PLA2G7: variants seen among roughly 807,000 people sequenced by gnomAD.
The protein encoded by PLA2G7 is platelet-activating factor acetylhydrolase.
Under a neutral mutation model 49.6 loss-of-function variants are expected in PLA2G7, and 63 were observed. The observed-to-expected ratio is 1.27, with a 90% CI of 1.04 to 1.57. The LOEUF (loss-of-function observed/expected upper bound fraction) is 1.57. PLA2G7 is among the 40% of genes most tolerant of loss of function. The pLI is 0.00. For synonymous variants in PLA2G7, 193 were observed against 169.9 expected, an observed-to-expected ratio of 1.14 and a Z score of -1.06; for missense variants, 596 against 521.2, an observed-to-expected ratio of 1.14 and a Z score of -1.40.
intron 1 of PLA2G7, among the ~76,000 whole-genome samples, chr6:46,732,283 T>G (rs1260893795): frequency 6.6e-6 from 1 of 152,022 alleles, no homozygotes; most frequent in African/African-American, 2.4e-5. Context: ...TCCTGAGGTT[T>G]CATCTCCAGG....
chr6:46,715,014 C>T (rs527635776), intron 4 of PLA2G7, among the ~76,000 whole-genome samples: 39 of 152,168 alleles, frequency 2.6e-4, no homozygotes, highest in Middle Eastern at 3.4e-3. Context: ...GGATTACAGG[C>T]GTGAGCCACC....
In PLA2G7 at chr6:46,734,401, GGT is replaced by G. The variant is rs371692865; in HGVS notation, c.-35+777_-35+778del. ...GGAGGCAGAGTGAGAGGTGTGTAGT[GGT>G]GTGTGTGTGTGTGAGAGAGAGAGAG... On this transcript the variant is annotated intron_variant, in intron 1 of 11. Transcript: ENST00000274793. Among the ~76,000 whole-genome samples the G allele has an allele frequency of 4.0e-3, 299 of 75,390 alleles. 9 individuals carry two copies. Among genetic ancestry groups the G allele is most frequent in the Middle Eastern group, 6.7e-3 (1 of 150 alleles). 49.5% of individuals were successfully genotyped at this position (75,390 alleles called of 152,430 possible). A position where few individuals can be genotyped will look rare whatever the true frequency, so the allele number is the denominator to read the frequency against.
intron 1 of PLA2G7, 147 bp from the exon 2 acceptor site, chr6:46,723,072 A>G: frequency 1.6e-6 from 1 of 608,962 alleles, no homozygotes; most frequent in Non-Finnish European, 3.0e-6. Flanking sequence ...TTGGTACTAC[A>G]ATGGTAAAAT....
intron 10 of PLA2G7, among the ~76,000 whole-genome samples, chr6:46,706,249 CCATCATTCTTTTAGT>C (rs1211817196): frequency 6.6e-6 from 1 of 152,136 alleles, no homozygotes; most frequent in East Asian, 1.9e-4. Flanking sequence ...TATAAGCAAC[CCATCATTCTTTTAGT>C]CATCTAAGCT....
intron 5 of PLA2G7, among the ~76,000 whole-genome samples, 199 bp from the exon 6 acceptor site, chr6:46,712,536 C>A (rs1765062572): frequency 6.6e-6 from 1 of 152,104 alleles, no homozygotes; most frequent in Admixed American, 6.6e-5. Context: ...TTTTCATTAT[C>A]ATGAATGTGG....
At chr6:46,714,719 A>G (rs1765142677) in intron 4 of PLA2G7, among the ~76,000 whole-genome samples, 166 bp from the exon 5 acceptor site, 1 of 147,226 alleles carries the variant, frequency 6.8e-6, no homozygotes, top group Non-Finnish European at 1.5e-5. Context: ...CCCACCAACC[A>G]AAGAGCTGAA....
intron 1 of PLA2G7, among the ~76,000 whole-genome samples, chr6:46,723,491 C>G (rs185064916): frequency 6.6e-6 from 1 of 151,950 alleles, no homozygotes; most frequent in Non-Finnish European, 1.5e-5. Context: ...TAATAGAGGG[C>G]CTGGAAGAAG....
At chr6:46,710,493 A>T in intron 8 of PLA2G7, 52 bp downstream of exon 8, 1 of 1,211,900 alleles carries the variant, frequency 8.3e-7, no homozygotes, top group Non-Finnish European at 1.2e-6. Flanking sequence ...TTAAATGACA[A>T]AAAACAATAA....
Position 46,711,502 on chromosome 6 carries a change from A to T in PLA2G7, c.657T>A (p.Asn219Lys), listed in dbSNP as rs747666345. ...LKQEEETHIRNEQVRQRAKEC... is the reference protein window; with the variant it reads ...LKQEEETHIRKEQVRQRAKEC... Reference sequence around the variant, plus strand: ...TCCTTTCACTGCAATGTACCTGCTCATTTCGTATATGTGTCTCCTCCTCTT... The same window carrying T: ...TCCTTTCACTGCAATGTACCTGCTCTTTTCGTATATGTGTCTCCTCCTCTT... Residue 219 changes from asparagine to lysine, a missense_variant, in exon 7 of 12, where the codon AAT (asparagine) becomes AAA (lysine). By Grantham distance (94) the Asn-to-Lys change is moderately conservative. Transcript: ENST00000274793. 1 of 1,613,674 alleles carries T rather than the reference A, an allele frequency of 6.2e-7. No homozygotes were observed. Among genetic ancestry groups the T allele is most frequent in the African/African-American group, 1.3e-5 (1 of 75,016 alleles).
chr6:46,704,560 C>T lies in PLA2G7; in HGVS notation c.1326G>A (p.Ter442=). The change falls in exon 12 of 12, where the codon TAG becomes TAA. Residue 442 remains the stop codon, a stop_retained_variant. Transcript: ENST00000274793. ...QNSSGIEKYN[*] is the part of the protein sequence containing the mutation. ...GACTTTTAAAAAACCTATTTTAATC[C>T]TAATTGTATTTCTCTATTCCTGAAG... 1.3e-6 allele frequency: 2 copies of T among 1,542,542 alleles called. No individual in the cohort carries two copies.
chr6:46,732,980 A>G (rs1765782988), intron 1 of PLA2G7, among the ~76,000 whole-genome samples: 1 of 152,226 alleles, frequency 6.6e-6, no homozygotes, highest in Admixed American at 6.5e-5. Context: ...GAATCTTGAA[A>G]AAAAATTAGG....
intron 9 of PLA2G7, 29 bp from the exon 10 acceptor site, chr6:46,708,190 T>C: frequency 6.4e-7 from 1 of 1,555,374 alleles, no homozygotes; most frequent in Non-Finnish European, 8.9e-7. Context: ...AATGATGAAA[T>C]TAAACTGGTT....
intron 10 of PLA2G7, 50 bp downstream of exon 10, chr6:46,707,941 C>T (rs201323854): frequency 2.6e-6 from 3 of 1,167,782 alleles, no homozygotes; most frequent in South Asian, 1.3e-5. Flanking sequence ...TTGATATTTA[C>T]CCAAGCTTCA....
intron 8 of PLA2G7, among the ~76,000 whole-genome samples, chr6:46,710,306 C>T (rs1297124336): frequency 6.6e-6 from 1 of 152,118 alleles, no homozygotes; most frequent in Non-Finnish European, 1.5e-5. Context: ...TATGACATTG[C>T]TGTTTTTGTA....
chr6:46,715,438 GT>G (rs1035690217), intron 4 of PLA2G7, among the ~76,000 whole-genome samples: 8 of 152,260 alleles, frequency 5.3e-5, no homozygotes, highest in Admixed American at 3.3e-4. Context: ...CTTTCATAGG[GT>G]TTTTGTGAGA....
At chr6:46,722,974 C>T (rs2150707628) in intron 1 of PLA2G7, 49 bp from the exon 2 acceptor site, 1 of 762,086 alleles carries the variant, frequency 1.3e-6, no homozygotes, top group Non-Finnish European at 2.3e-6. Flanking sequence ...ATGAAGAGGC[C>T]TTAAATAAGC....
intron 2 of PLA2G7, among the ~76,000 whole-genome samples, chr6:46,722,248 C>T (rs1486902412): frequency 6.6e-6 from 1 of 152,216 alleles, no homozygotes; most frequent in African/African-American, 2.4e-5. Context: ...CTAGCACCTA[C>T]TTGTCCCTAC....
In PLA2G7 at chr6:46,728,872, G is replaced by T. The variant is rs138288191; in HGVS notation, c.-34-5947C>A. 3.0e-3 allele frequency among the ~76,000 whole-genome samples: 463 copies of T among 152,276 alleles called. 3 individuals carry two copies. Among genetic ancestry groups the T allele is most frequent in the African/African-American group, 0.011 (446 of 41,552 alleles). ...TGTATCAGAGTAATAAAGTGGTTTAGAAATTTAGCTCCAGTTTCTGGCTGC... is the reference window on the plus strand; with the variant it reads ...TGTATCAGAGTAATAAAGTGGTTTATAAATTTAGCTCCAGTTTCTGGCTGC... On this transcript the variant is annotated intron_variant, in intron 1 of 11. Transcript: ENST00000274793.
chr6:46,719,907 C>A (rs1400287031), intron 2 of PLA2G7, among the ~76,000 whole-genome samples: 3 of 152,206 alleles, frequency 2.0e-5, no homozygotes, highest in Non-Finnish European at 4.4e-5. Flanking sequence ...TAGATTCAAA[C>A]CCCAGAAACT....
Sources: allele counts gnomAD v4.1 joint callset (sites outside exome capture counted in the v4.1 genomes callset), GRCh38; gene constraint gnomAD v4.1.1; transcripts MANE v1.5; gene names NCBI Gene and HGNC (gene_info 2026-07-23, HGNC 2026-07-21).